The following MYT1L variants were observed in gnomAD, a reference collection of about 807,000 sequenced individuals.
MYT1L encodes the protein myelin transcription factor 1-like protein.
MYT1L carries 12 observed loss-of-function variants against 126.7 expected under a neutral mutation model. That is an observed-to-expected ratio of 0.09 (90% confidence interval 0.06 to 0.15). MYT1L has a LOEUF of 0.15. MYT1L is among the 10% of genes least tolerant of loss of function. The pLI is 1.00. For synonymous variants in MYT1L, 541 were observed against 604.2 expected, an observed-to-expected ratio of 0.90 and a Z score of 1.53; for missense variants, 979 against 1,585.2, an observed-to-expected ratio of 0.62 and a Z score of 6.49.
At chr2:2,091,002 T>TTA (rs2076863164) in intron 3 of MYT1L, among the ~76,000 whole-genome samples, 1 of 152,342 alleles carries the variant, frequency 6.6e-6, no homozygotes, top group East Asian at 1.9e-4. Context: ...ACATCTGCAG[T>TTA]TATATCCTCC....
intron 3 of MYT1L, among the ~76,000 whole-genome samples, chr2:2,129,660 A>G (rs1488550253): frequency 6.6e-6 from 1 of 152,212 alleles, no homozygotes; most frequent in Non-Finnish European, 1.5e-5. Flanking sequence ...TAATCCCAGC[A>G]CTTTGGGAGA....
intron 2 of MYT1L, among the ~76,000 whole-genome samples, chr2:2,227,459 C>T (rs899604085): frequency 2.6e-5 from 4 of 152,128 alleles, no homozygotes; most frequent in South Asian, 2.1e-4. Context: ...AGGTGTTTGA[C>T]TGTGAGGAGT....
At chr2:2,113,558 A>G (rs1559049294) in intron 3 of MYT1L, among the ~76,000 whole-genome samples, 1 of 152,152 alleles carries the variant, frequency 6.6e-6, no homozygotes, top group East Asian at 1.9e-4. Flanking sequence ...AGCCTGGTCC[A>G]TCTCACTCTC....
chr2:2,327,235 C>T (rs926389637), intron 1 of MYT1L: 1 of 151,992 alleles, frequency 6.6e-6, no homozygotes, highest in Admixed American at 6.6e-5. Flanking sequence ...TGACACTGCC[C>T]CCAACCACAC....
At chr2:2,275,422 C>G (rs1476048182) in intron 2 of MYT1L, among the ~76,000 whole-genome samples, 1 of 152,098 alleles carries the variant, frequency 6.6e-6, no homozygotes, top group Non-Finnish European at 1.5e-5. Context: ...TACTTCTGGT[C>G]ATGGGATGTC....
intron 3 of MYT1L, among the ~76,000 whole-genome samples, chr2:2,129,800 G>A (rs991489391): frequency 7.9e-5 from 12 of 152,052 alleles, no homozygotes; most frequent in African/African-American, 2.7e-4. Flanking sequence ...CAGCTACTCG[G>A]GAGGCTGAGG....
chr2:2,104,878 A>C (rs2078555249), intron 3 of MYT1L, among the ~76,000 whole-genome samples: 1 of 152,144 alleles, frequency 6.6e-6, no homozygotes, highest in South Asian at 2.1e-4. Flanking sequence ...GAAGTTCTGA[A>C]TCATTAACAG....
At chr2:2,282,128 A>G (rs1424323320) in intron 2 of MYT1L, among the ~76,000 whole-genome samples, 1 of 152,210 alleles carries the variant, frequency 6.6e-6, no homozygotes, top group Non-Finnish European at 1.5e-5. Context: ...CATACCATGT[A>G]TCAGAGACTC....
At chr2:2,070,192 G>A (rs545282757) in intron 3 of MYT1L, among the ~76,000 whole-genome samples, 2 of 152,226 alleles carry the variant, frequency 1.3e-5, no homozygotes, top group East Asian at 3.9e-4. Flanking sequence ...GAGTAAGAGA[G>A]ATTAGCTGTA....
At chr2:2,021,878 C>G (rs1462966329) in intron 4 of MYT1L, among the ~76,000 whole-genome samples, 1 of 152,018 alleles carries the variant, frequency 6.6e-6, no homozygotes, top group Non-Finnish European at 1.5e-5. Flanking sequence ...GCCTGGGCAA[C>G]AGAGCGAGAC....
intron 3 of MYT1L, among the ~76,000 whole-genome samples, chr2:2,114,148 T>C (rs1397032086): frequency 6.6e-6 from 1 of 152,262 alleles, no homozygotes; most frequent in Non-Finnish European, 1.5e-5. Flanking sequence ...CTCAGAGTAA[T>C]ACGCCCAGTC....
intron 5 of MYT1L, among the ~76,000 whole-genome samples, chr2:1,983,066 C>T (rs115400546): frequency 2.0e-3 from 302 of 152,134 alleles, no homozygotes; most frequent in African/African-American, 6.7e-3. Flanking sequence ...ATAGCTAATT[C>T]TTCCAGTAAT....
At chr2:2,121,697 G>A (rs984833626) in intron 3 of MYT1L, among the ~76,000 whole-genome samples, 3 of 152,052 alleles carry the variant, frequency 2.0e-5, no homozygotes, top group Admixed American at 6.5e-5. Context: ...TTGTTGGTCA[G>A]GCTGGTTTCG....
At chr2:2,023,173 G>T (rs2065200027) in intron 4 of MYT1L, among the ~76,000 whole-genome samples, 1 of 152,216 alleles carries the variant, frequency 6.6e-6, no homozygotes, top group African/African-American at 2.4e-5. Context: ...AAAAAGAGTA[G>T]AGGTGGAAGG....
chr2:2,195,247 G>A (rs982125920), intron 2 of MYT1L, among the ~76,000 whole-genome samples: 10 of 152,288 alleles, frequency 6.6e-5, no homozygotes, highest in Admixed American at 2.6e-4. Flanking sequence ...TGCATCATGC[G>A]GGGCATAAGC....
At position 1,889,656 on chromosome 2, in the gene MYT1L, T is replaced by C. The variant is rs2048594810; in HGVS notation, c.2284-179A>G. On this transcript the variant is annotated intron_variant, in intron 15 of 24. Coordinates refer to ENST00000647738, the MANE Select transcript of MYT1L (RefSeq NM_001303052.2). This position sits in a 1 kb window ranked among gnomAD's most constrained non-coding sequence, Gnocchi z 4.1. ...CAGGCCTTGTCTGGTGGTACATTCC[T>C]GCTATCCCACGCTTAGCTGCAAAAT... is the stretch of plus-strand genomic sequence containing the variant. 6.6e-6 allele frequency among the ~76,000 whole-genome samples: 1 copy of C among 152,172 alleles called. No homozygotes were observed. Among genetic ancestry groups the C allele is most frequent in the African/African-American group, 2.4e-5 (1 of 41,448 alleles).
Position 2,328,929 on chromosome 2 carries a change from G to A in MYT1L, c.-521+2038C>T, listed in dbSNP as rs115330774. Among the ~76,000 whole-genome samples, 1,294 of 152,218 alleles carry A rather than the reference G, an allele frequency of 8.5e-3. 21 individuals are homozygous for A. The highest frequency in any genetic ancestry group is 0.03 in the African/African-American group (1,245 of 41,512). ...AAAACATCCAAATGTGACCATGAAG[G>A]CTTCTCCTACTTCTACCTCAACTAG... On this transcript the variant is annotated intron_variant, in intron 1 of 24. Coordinates refer to ENST00000647738, the MANE Select transcript of MYT1L (RefSeq NM_001303052.2).
At chr2:2,239,218 A>G (rs1274705650) in intron 2 of MYT1L, among the ~76,000 whole-genome samples, 1 of 152,226 alleles carries the variant, frequency 6.6e-6, no homozygotes, top group East Asian at 1.9e-4. Context: ...CATAACATAG[A>G]ATGCCCACTG....
At chr2:2,063,928 G>A (rs2070880910) in intron 3 of MYT1L, among the ~76,000 whole-genome samples, 1 of 152,088 alleles carries the variant, frequency 6.6e-6, no homozygotes. Context: ...GCTTGAGGCT[G>A]TCTACACTAA....
Sources: allele counts gnomAD v4.1 joint callset (sites outside exome capture counted in the v4.1 genomes callset), GRCh38; gene constraint gnomAD v4.1.1; non-coding constraint Gnocchi (gnomAD v3.1); transcripts MANE v1.5; gene names NCBI Gene and HGNC (gene_info 2026-07-23, HGNC 2026-07-21).